The following SLC2A12 variants were observed in gnomAD, a reference collection of about 807,000 sequenced individuals.
SLC2A12 encodes solute carrier family 2 member 12, also known as solute carrier family 2, facilitated glucose transporter member 12.
Under a neutral mutation model 41.8 loss-of-function variants are expected in SLC2A12, and 23 were observed. The observed-to-expected ratio is 0.55, with a 90% confidence interval of 0.40 to 0.78. The LOEUF (loss-of-function observed/expected upper bound fraction) is 0.78, where lower values mean the gene tolerates loss of function less well. Among genes scored for constraint, SLC2A12 ranks in the 30% least tolerant of loss-of-function variants. The pLI, the probability that SLC2A12 is intolerant of heterozygous loss-of-function variation, is 0.00. For missense variants in SLC2A12, 654 were observed against 745.6 expected (o/e 0.88, Z 1.43); for synonymous variants, 295 against 285.9 (o/e 1.03, Z -0.32).
At chr6:134,047,789 G>A (rs938034508) in intron 1 of SLC2A12, among the ~76,000 whole-genome samples, 5 of 152,272 alleles carry the variant, frequency 3.3e-5, no homozygotes, top group Admixed American at 1.3e-4. Flanking sequence ...CAGAATGGCT[G>A]TAAAAACTGG....
intron 1 of SLC2A12, among the ~76,000 whole-genome samples, chr6:134,031,469 A>T (rs1329427210): frequency 1.3e-5 from 2 of 152,156 alleles, no homozygotes; most frequent in African/African-American, 4.8e-5. Flanking sequence ...GATGGGGGAT[A>T]AAAAATGGGT....
chr6:134,013,593 G>T (rs1776917691), intron 2 of SLC2A12, among the ~76,000 whole-genome samples: 1 of 151,968 alleles, frequency 6.6e-6, no homozygotes, highest in Non-Finnish European at 1.5e-5. Flanking sequence ...CTTTTTAAAT[G>T]GATGAAAATG....
rs1776576790 is a variant in SLC2A12 at position 133,988,841 on chromosome 6, A to T, written c.*2314T>A. ...ACAAGCTCACTGTTTTAAAGACTTGACATTTTTCATTTAGTTTTAATTAAC... is the reference window on the plus strand; with the variant it reads ...ACAAGCTCACTGTTTTAAAGACTTGTCATTTTTCATTTAGTTTTAATTAAC... On this transcript the variant is annotated 3_prime_UTR_variant, in exon 5 of 5. Transcript: ENST00000275230. The T allele has an allele frequency of 6.6e-6, 1 of 152,154 alleles. No individual in the cohort carries two copies. Among genetic ancestry groups the T allele is most frequent in the Non-Finnish European group, 1.5e-5 (1 of 68,018 alleles). The allele number at this position is 152,154 out of a possible 1,614,324, so 9.4% of individuals were successfully genotyped here.
intron 1 of SLC2A12, among the ~76,000 whole-genome samples, chr6:134,051,077 G>C (rs1163844650): frequency 6.6e-6 from 1 of 152,186 alleles, no homozygotes; most frequent in African/African-American, 2.4e-5. Flanking sequence ...ACTATGCTCA[G>C]CTAATTTTTT....
chr6:134,010,014 G>A (rs181316508), intron 2 of SLC2A12, among the ~76,000 whole-genome samples: 115 of 152,298 alleles, frequency 7.6e-4, no homozygotes, highest in African/African-American at 2.6e-3. Context: ...GCAAGACAGT[G>A]CCAGAATCTC....
chr6:133,996,306 G>A (rs1776685825), intron 4 of SLC2A12, among the ~76,000 whole-genome samples: 1 of 152,188 alleles, frequency 6.6e-6, no homozygotes, highest in Non-Finnish European at 1.5e-5. Flanking sequence ...TAAGCTGGGG[G>A]GAAAAGTAAA....
chr6:133,993,301 T>C (rs1276585718), intron 4 of SLC2A12, among the ~76,000 whole-genome samples: 1 of 152,198 alleles, frequency 6.6e-6, no homozygotes, highest in African/African-American at 2.4e-5. Context: ...AACTGCCTAC[T>C]ACTAATGTGT....
chr6:134,033,028 A>G (rs1777243909), intron 1 of SLC2A12, among the ~76,000 whole-genome samples: 1 of 151,722 alleles, frequency 6.6e-6, no homozygotes, highest in Admixed American at 6.6e-5. Context: ...AGGCCTTAGG[A>G]CAGGAAAGTT....
chr6:134,005,870 C>T (rs1310775430), intron 3 of SLC2A12, among the ~76,000 whole-genome samples: 1 of 151,666 alleles, frequency 6.6e-6, no homozygotes, highest in Non-Finnish European at 1.5e-5. Context: ...TTACAAGAAA[C>T]ATAAAAGACA....
rs527686836 is a variant in SLC2A12, at chr6:133,990,852, G to A, written c.*303C>T. ...AGGTTGATGTCTTCACTAGGACATA[G>A]TCTATTCAAAGGCTGCTCTGTGAAG... On this transcript the variant is annotated 3_prime_UTR_variant, in exon 5 of 5. Transcript: ENST00000275230. The A allele has an allele frequency of 4.2e-6, 1 of 237,178 alleles. No individual in the cohort carries two copies. The highest frequency in any genetic ancestry group is 5.3e-5 in the Admixed American group (1 of 18,992). The allele number at this position is 237,178 out of a possible 1,614,324, so 14.7% of individuals were successfully genotyped here.
intron 1 of SLC2A12, among the ~76,000 whole-genome samples, chr6:134,032,025 G>T (rs376105979): frequency 6.6e-6 from 1 of 152,126 alleles, no homozygotes; most frequent in African/African-American, 2.4e-5. Context: ...TTACACACAC[G>T]GTTTTCATAG....
chr6:134,029,509 T>C lies in SLC2A12; in HGVS notation c.316A>G (p.Arg106Gly), dbSNP rs61741413. The C allele has an allele frequency of 6.3e-5, 102 of 1,614,052 alleles. 1 individual carries two copies. Among genetic ancestry groups the C allele is most frequent in the South Asian group, 3.4e-4 (31 of 91,086 alleles). Residue 106 changes from arginine (R) to glycine (G), a missense_variant, in exon 2 of 5, where the codon AGA (arginine) becomes GGA (glycine). Physicochemically the swap from Arg to Gly is moderately radical, Grantham distance 125 (BLOSUM62 -2). This residue lies in a region of SLC2A12 where 109 missense variants were observed against 153.0 expected (regional missense o/e 0.71). Transcript: ENST00000275230. Reference protein sequence around the residue: ...TGGVLIDRYGRRTAIILSSCL... With the variant: ...TGGVLIDRYGGRTAIILSSCL... ...GATGACAAGATGATTGCTGTCCTTC[T>C]TCCATATCTGTCTATCAGGACCCCT...
At chr6:134,048,025 C>T (rs1777482274) in intron 1 of SLC2A12, among the ~76,000 whole-genome samples, 1 of 152,164 alleles carries the variant, frequency 6.6e-6, no homozygotes, top group South Asian at 2.1e-4. Flanking sequence ...ACCACTGCCG[C>T]GTACGATGCA....
chr6:134,045,525 CTG>C (rs369431156), intron 1 of SLC2A12, among the ~76,000 whole-genome samples: 61 of 152,306 alleles, frequency 4.0e-4, no homozygotes, highest in African/African-American at 1.4e-3. Context: ...TTGTTTCTCT[CTG>C]TGTCCTCATT....
At chr6:134,038,124 T>A (rs1777328481) in intron 1 of SLC2A12, among the ~76,000 whole-genome samples, 1 of 152,190 alleles carries the variant, frequency 6.6e-6, no homozygotes, top group South Asian at 2.1e-4. Flanking sequence ...GGAAAAAATA[T>A]AGAAATGTTG....
intron 1 of SLC2A12, among the ~76,000 whole-genome samples, chr6:134,046,870 G>A (rs942871458): frequency 3.9e-5 from 6 of 152,016 alleles, no homozygotes; most frequent in Admixed American, 1.3e-4. Context: ...AAATAAGTGT[G>A]CTACAACATG....
At chr6:133,991,931 T>C (rs570367746) in intron 4 of SLC2A12, among the ~76,000 whole-genome samples, 55 of 152,184 alleles carry the variant, frequency 3.6e-4, no homozygotes, top group African/African-American at 9.6e-4. Flanking sequence ...CTTGAAGTAG[T>C]AAAAGTGCAA....
chr6:134,023,248 G>A (rs1164918264), intron 2 of SLC2A12, among the ~76,000 whole-genome samples: 2 of 152,296 alleles, frequency 1.3e-5, no homozygotes, highest in East Asian at 1.9e-4. Context: ...TTCTGGAAGG[G>A]TATCCCAGTA....
At chr6:134,040,817 A>G (rs375229633) in intron 1 of SLC2A12, among the ~76,000 whole-genome samples, 1 of 152,324 alleles carries the variant, frequency 6.6e-6, no homozygotes, top group East Asian at 1.9e-4. Context: ...AGAGATTGAC[A>G]AGTGCATGTC....
Sources: gnomAD v4.1 joint callset for allele counts (sites outside exome capture counted in the v4.1 genomes callset) on GRCh38, gnomAD v4.1.1 for gene constraint, gnomAD v4.1.1 regional missense constraint, MANE v1.5 for transcripts, NCBI Gene and HGNC (gene_info 2026-07-23, HGNC 2026-07-21) for gene names.